GPC5: variants seen among roughly 807,000 people sequenced by gnomAD.
GPC5 encodes the protein glypican 5, also known as glypican-5.
GPC5 carries 47 observed loss-of-function variants against 53.9 expected under a neutral mutation model. That is an observed-to-expected ratio of 0.87 (90% CI 0.69 to 1.11). The LOEUF (loss-of-function observed/expected upper bound fraction) is 1.11. Among genes scored for constraint, GPC5 ranks in the 50% most tolerant of loss-of-function variants. GPC5 has a pLI of 0.00. For synonymous variants in GPC5, 286 were observed against 263.3 expected (o/e 1.09, Z -0.84); for missense variants, 748 against 713.1 (o/e 1.05, Z -0.56).
chr13:92,560,740 C>T (rs1375476434), intron 7 of GPC5, among the ~76,000 whole-genome samples: 1 of 151,870 alleles, frequency 6.6e-6, no homozygotes, highest in Non-Finnish European at 1.5e-5. Flanking sequence ...TCCCTGGCTG[C>T]TGGGATATGC....
chr13:92,380,239 C>G (rs1262067277), intron 7 of GPC5, among the ~76,000 whole-genome samples: 2 of 152,174 alleles, frequency 1.3e-5, no homozygotes, highest in Non-Finnish European at 2.9e-5. Flanking sequence ...AAATGATGCT[C>G]TTGGTGTGCC....
rs529889669 is a variant in GPC5 at position 91,877,573 on chromosome 13, C to A, written c.1281-30364C>A. 2.6e-5 allele frequency among the ~76,000 whole-genome samples: 4 copies of A among 152,094 alleles called. No individual in the cohort carries two copies. The South Asian group carries it at 8.3e-4, about 31-fold the overall frequency. Reference sequence around the variant, plus strand: ...TCCCATTTGGAATGGCTGTATTCACCCAATAACTGTACCTCCACTGTATCT... The same window carrying A: ...TCCCATTTGGAATGGCTGTATTCACACAATAACTGTACCTCCACTGTATCT... On this transcript the variant is annotated intron_variant, in intron 5 of 7. Coordinates refer to ENST00000377067, the MANE Select transcript of GPC5 (RefSeq NM_004466.6).
chr13:92,224,640 T>G (rs57786284), intron 7 of GPC5, among the ~76,000 whole-genome samples: 1 of 152,214 alleles, frequency 6.6e-6, no homozygotes. Context: ...CATTTTCAGA[T>G]AGTCTGGAAT....
chr13:92,261,598 G>A (rs1016907), intron 7 of GPC5, among the ~76,000 whole-genome samples: 10,159 of 152,092 alleles, frequency 0.067, 389 homozygotes, highest in Non-Finnish European at 0.086. Context: ...GATTAAGAGA[G>A]AGAATATTTA....
At chr13:92,285,523 G>C (rs2139175592) in intron 7 of GPC5, among the ~76,000 whole-genome samples, 1 of 151,616 alleles carries the variant, frequency 6.6e-6, no homozygotes, top group Non-Finnish European at 1.5e-5. Flanking sequence ...AAACAGCATG[G>C]TAGTGGTACC....
intron 7 of GPC5, among the ~76,000 whole-genome samples, chr13:92,354,895 A>G (rs2043509455): frequency 6.6e-6 from 1 of 152,048 alleles, no homozygotes; most frequent in Non-Finnish European, 1.5e-5. Flanking sequence ...AGAGTAAGAG[A>G]AGTGACTGAT....
intron 5 of GPC5, among the ~76,000 whole-genome samples, chr13:91,866,630 A>G (rs922324114): frequency 6.6e-6 from 1 of 152,092 alleles, no homozygotes; most frequent in South Asian, 2.1e-4. Context: ...CTAGTGCCAT[A>G]TTTGTACAGC....
At chr13:91,835,154 A>G (rs567351226) in intron 5 of GPC5, among the ~76,000 whole-genome samples, 1 of 152,346 alleles carries the variant, frequency 6.6e-6, no homozygotes, top group African/African-American at 2.4e-5. Flanking sequence ...ATCACTGGTC[A>G]TTAGAGAAAT....
chr13:92,309,562 T>C (rs1338249040), intron 7 of GPC5, among the ~76,000 whole-genome samples: 3 of 152,124 alleles, frequency 2.0e-5, no homozygotes, highest in Admixed American at 2.0e-4. Context: ...AATATAAACA[T>C]CATTTAAAAT....
chr13:91,619,707 T>A (rs9515959), intron 2 of GPC5, among the ~76,000 whole-genome samples: 5,394 of 152,178 alleles, frequency 0.035, 118 homozygotes, highest in Non-Finnish European at 0.052. Flanking sequence ...ATGTGTGAAA[T>A]GCTACTGATT....
chr13:92,675,740 G>A (rs1886916816), intron 7 of GPC5, among the ~76,000 whole-genome samples: 1 of 152,074 alleles, frequency 6.6e-6, no homozygotes, highest in Non-Finnish European at 1.5e-5. Context: ...CTAGAAAATT[G>A]TAAATGGTGT....
chr13:91,674,431 A>G (rs1459444138), intron 2 of GPC5, among the ~76,000 whole-genome samples: 1 of 150,518 alleles, frequency 6.6e-6, no homozygotes, highest in East Asian at 1.9e-4. Context: ...ACATATATAT[A>G]CACATATATA....
intron 5 of GPC5, among the ~76,000 whole-genome samples, chr13:91,799,340 G>A (rs2038097479): frequency 6.6e-6 from 1 of 152,124 alleles, no homozygotes; most frequent in Admixed American, 6.6e-5. Context: ...AGAAGGAGAA[G>A]GGAGGAAGAG....
At chr13:91,917,806 A>G (rs1276552203) in intron 6 of GPC5, among the ~76,000 whole-genome samples, 2 of 152,290 alleles carry the variant, frequency 1.3e-5, no homozygotes, top group East Asian at 1.9e-4. Flanking sequence ...CCATATCACT[A>G]TCAGTATTTT....
intron 2 of GPC5, among the ~76,000 whole-genome samples, chr13:91,502,220 C>G (rs1884677713): frequency 6.6e-6 from 1 of 151,992 alleles, no homozygotes; most frequent in Non-Finnish European, 1.5e-5. Context: ...ATGGTAGTTT[C>G]TTTTGCTGTG....
At chr13:92,529,993 G>A (rs1044893121) in intron 7 of GPC5, among the ~76,000 whole-genome samples, 1 of 152,132 alleles carries the variant, frequency 6.6e-6, no homozygotes, top group African/African-American at 2.4e-5. Flanking sequence ...CTGAGGCGGG[G>A]GAGGATGGCT....
chr13:92,541,512 T>C (rs1311425949), intron 7 of GPC5, among the ~76,000 whole-genome samples: 3 of 151,912 alleles, frequency 2.0e-5, no homozygotes, highest in Non-Finnish European at 4.4e-5. Flanking sequence ...TCATTTGATT[T>C]TCTATTTTCT....
intron 2 of GPC5, among the ~76,000 whole-genome samples, chr13:91,468,742 T>A (rs1167249583): frequency 1.3e-5 from 2 of 152,192 alleles, no homozygotes; most frequent in Non-Finnish European, 2.9e-5. Context: ...AATACAAATG[T>A]GTTTAAAATT....
intron 7 of GPC5, among the ~76,000 whole-genome samples, chr13:92,718,243 C>G (rs1342611742): frequency 2.6e-5 from 4 of 152,134 alleles, no homozygotes; most frequent in African/African-American, 9.7e-5. Flanking sequence ...AAATGTAGAT[C>G]TGTACTACCA....
Sources: gnomAD v4.1 joint callset for allele counts (sites outside exome capture counted in the v4.1 genomes callset) on GRCh38, gnomAD v4.1.1 for gene constraint, MANE v1.5 for transcripts, NCBI Gene and HGNC (gene_info 2026-07-23, HGNC 2026-07-21) for gene names.